PTPRQ: variants seen among roughly 807,000 people sequenced by gnomAD.
The protein encoded by PTPRQ is protein tyrosine phosphatase receptor type Q, also known as phosphatidylinositol phosphatase PTPRQ.
A neutral mutation model predicts 246.0 loss-of-function variants in PTPRQ; 199 were observed. The ratio of observed to expected loss-of-function variants is 0.81; its 90% CI spans 0.72 to 0.91. The LOEUF is 0.91. Ranked by LOEUF, PTPRQ falls within the 40% of genes least tolerant of loss-of-function variation. The pLI is 0.00. For missense variants in PTPRQ, 2,624 were observed against 2,528.4 expected, an observed-to-expected ratio of 1.04 and a Z score of -0.81; for synonymous variants, 869 against 853.2, an observed-to-expected ratio of 1.02 and a Z score of -0.32.
chr12:80,625,402 T>C (rs1214454136), intron 33 of PTPRQ, among the ~76,000 whole-genome samples: 1 of 152,140 alleles, frequency 6.6e-6, no homozygotes, highest in Non-Finnish European at 1.5e-5. Context: ...ATTCATTCAC[T>C]GGTATTTTGC....
At chr12:80,542,666 T>A in intron 22 of PTPRQ, 64 bp from the exon 23 acceptor site, 1 of 1,484,342 alleles carries the variant, frequency 6.7e-7, no homozygotes, top group East Asian at 2.6e-5. Context: ...AGAAAGTAAG[T>A]CACGGTGCTA....
At chr12:80,597,705 A>G (rs1338992881) in intron 26 of PTPRQ, among the ~76,000 whole-genome samples, 3 of 151,916 alleles carry the variant, frequency 2.0e-5, no homozygotes, top group Non-Finnish European at 4.4e-5. Flanking sequence ...TAGAGCAGTG[A>G]TTCTTAAACT....
chr12:80,535,846 G>A (rs937104434), intron 19 of PTPRQ, among the ~76,000 whole-genome samples: 10 of 152,314 alleles, frequency 6.6e-5, no homozygotes, highest in Admixed American at 6.5e-5. Flanking sequence ...GGTGGCTCAC[G>A]CCTGTAATCC....
intron 16 of PTPRQ, among the ~76,000 whole-genome samples, chr12:80,509,738 T>C (rs1257675148): frequency 6.6e-6 from 1 of 152,174 alleles, no homozygotes; most frequent in Non-Finnish European, 1.5e-5. Flanking sequence ...TATTTTCTTA[T>C]TTACGTGCTA....
intron 26 of PTPRQ, among the ~76,000 whole-genome samples, chr12:80,601,399 G>C (rs1211448882): frequency 6.6e-6 from 1 of 151,770 alleles, no homozygotes; most frequent in Non-Finnish European, 1.5e-5. Context: ...TTTATGGATG[G>C]ATCCAAAGCT....
At chr12:80,616,665 T>C (rs2121119687) in intron 30 of PTPRQ, among the ~76,000 whole-genome samples, 1 of 151,272 alleles carries the variant, frequency 6.6e-6, no homozygotes, top group African/African-American at 2.4e-5. Flanking sequence ...ATTTTGGAAG[T>C]GAGATTCTTT....
intron 28 of PTPRQ, among the ~76,000 whole-genome samples, chr12:80,612,916 T>TA (rs1287985323): frequency 6.6e-6 from 1 of 150,544 alleles, no homozygotes; most frequent in African/African-American, 2.4e-5. Context: ...GCTATTGTCA[T>TA]TTTCAAAATG....
intron 16 of PTPRQ, among the ~76,000 whole-genome samples, chr12:80,507,954 TTATAAC>T (rs1447716313): frequency 2.0e-5 from 3 of 151,992 alleles, no homozygotes; most frequent in African/African-American, 7.2e-5. Flanking sequence ...ACCCACTTCT[TTATAAC>T]TAATCTAATC....
intron 26 of PTPRQ, among the ~76,000 whole-genome samples, chr12:80,592,855 C>CA (rs202232604): frequency 0.01 from 1,546 of 151,906 alleles, 30 homozygotes; most frequent in African/African-American, 0.035. Context: ...TCTAAAAATA[C>CA]AAAAAATTAT....
chr12:80,549,965 CT>C (rs1336733161), intron 25 of PTPRQ, among the ~76,000 whole-genome samples: 3 of 152,088 alleles, frequency 2.0e-5, no homozygotes, highest in Non-Finnish European at 4.4e-5. Context: ...AGATGATCCT[CT>C]TTACTGTATT....
At position 80,467,505 on chromosome 12, in the gene PTPRQ, G is replaced by A. The variant is rs558625383; in HGVS notation, c.911-1205G>A. Among the ~76,000 whole-genome samples the A allele has an allele frequency of 3.9e-3, 597 of 152,210 alleles. 3 individuals are homozygous for A. The highest frequency in any genetic ancestry group is 6.0e-3 in the Non-Finnish European group (408 of 68,006). ...CATTTGACCCAGCCATCCCATTACTGGGTATATACCCAAAGGACTATAAAA... is the reference window on the plus strand; with the variant it reads ...CATTTGACCCAGCCATCCCATTACTAGGTATATACCCAAAGGACTATAAAA... On this transcript the variant is annotated intron_variant, in intron 6 of 44. Coordinates refer to ENST00000644991, the MANE Select transcript of PTPRQ (RefSeq NM_001145026.2).
intron 20 of PTPRQ, among the ~76,000 whole-genome samples, chr12:80,540,521 A>G (rs1385970702): frequency 6.6e-6 from 1 of 151,920 alleles, no homozygotes; most frequent in Non-Finnish European, 1.5e-5. Flanking sequence ...ATCATTGCCT[A>G]TTTTTCTTGT....
intron 39 of PTPRQ, among the ~76,000 whole-genome samples, chr12:80,667,244 C>A (rs556871377): frequency 6.6e-6 from 1 of 151,822 alleles, no homozygotes; most frequent in African/African-American, 2.4e-5. Context: ...TCTTTTCCCC[C>A]GAATCCTGCA....
At position 80,444,289 on chromosome 12, in the gene PTPRQ, C is replaced by T. The variant is rs1446949728; in HGVS notation, c.-57C>T. The stretch of plus-strand genomic sequence containing the variant: ...TCTGTCTTTAAATCATTAATGCAGG[C>T]AACATTTCTCTCTAGAGCCATCAAT... On this transcript the variant is annotated 5_prime_UTR_variant, in exon 1 of 45. Transcript: ENST00000644991. 3.4e-6 allele frequency: 3 copies of T among 874,432 alleles called. No individual in the cohort carries two copies. The highest frequency in any genetic ancestry group is 5.6e-6 in the Non-Finnish European group (3 of 537,966). The allele number at this position is 874,432 out of a possible 1,614,324, so 54.2% of individuals were successfully genotyped here. A position where few individuals can be genotyped will look rare whatever the true frequency, so the allele number is the denominator to read the frequency against.
intron 23 of PTPRQ, among the ~76,000 whole-genome samples, chr12:80,545,170 A>G (rs1321574934): frequency 6.6e-6 from 1 of 152,088 alleles, no homozygotes; most frequent in Non-Finnish European, 1.5e-5. Flanking sequence ...TCATTCAGAA[A>G]TTGTAGATTT....
chr12:80,633,851 C>G (rs556084589), intron 34 of PTPRQ, among the ~76,000 whole-genome samples: 14 of 152,182 alleles, frequency 9.2e-5, no homozygotes, highest in Admixed American at 9.2e-4. Flanking sequence ...TTTCTGACTT[C>G]TCATTTCTCT....
chr12:80,669,274 C>A, intron 40 of PTPRQ, 65 bp from the exon 41 acceptor site: 1 of 1,532,842 alleles, frequency 6.5e-7, no homozygotes, highest in East Asian at 2.5e-5. Context: ...GTCGTAATAA[C>A]TGTGGTATAC....
At chr12:80,600,033 C>T (rs1357348484) in intron 26 of PTPRQ, among the ~76,000 whole-genome samples, 1 of 151,674 alleles carries the variant, frequency 6.6e-6, no homozygotes, top group Non-Finnish European at 1.5e-5. Context: ...AAGAACTTTA[C>T]TGAAAATGCA....
intron 25 of PTPRQ, among the ~76,000 whole-genome samples, chr12:80,559,465 C>T (rs1264519170): frequency 2.0e-5 from 3 of 152,184 alleles, no homozygotes; most frequent in Non-Finnish European, 4.4e-5. Context: ...TCTAATTGCT[C>T]TAGCACCACT....
Sources: allele counts gnomAD v4.1 joint callset (sites outside exome capture counted in the v4.1 genomes callset), GRCh38; gene constraint gnomAD v4.1.1; transcripts MANE v1.5; gene names NCBI Gene and HGNC (gene_info 2026-07-23, HGNC 2026-07-21).